RIMS2: variants seen among roughly 807,000 people sequenced by gnomAD.
RIMS2 encodes regulating synaptic membrane exocytosis 2, also known as regulating synaptic membrane exocytosis protein 2.
RIMS2 carries 59 observed loss-of-function variants against 174.4 expected under a neutral mutation model. That is an observed-to-expected ratio of 0.34 (90% CI 0.27 to 0.42). The LOEUF is 0.42. RIMS2 is among the 10% of genes least tolerant of loss of function. RIMS2 has a pLI of 1.00. For missense variants in RIMS2, 1,620 were observed against 1,666.3 expected (o/e 0.97, Z 0.48); for synonymous variants, 606 against 572.5 (o/e 1.06, Z -0.84).
chr8:104,195,724 A>T (rs1272833929), intron 19 of RIMS2, among the ~76,000 whole-genome samples: 1 of 152,108 alleles, frequency 6.6e-6, no homozygotes, highest in Non-Finnish European at 1.5e-5. Context: ...TGTATTGCCC[A>T]GGATGGCTCA....
intron 3 of RIMS2, among the ~76,000 whole-genome samples, chr8:103,882,008 G>C (rs1375292302): frequency 6.6e-6 from 1 of 151,410 alleles, no homozygotes; most frequent in Non-Finnish European, 1.5e-5. Flanking sequence ...TTTGGATTCT[G>C]CCTCTTAATT....
chr8:103,929,871 T>C (rs2079555825), intron 11 of RIMS2, among the ~76,000 whole-genome samples: 1 of 151,930 alleles, frequency 6.6e-6, no homozygotes, highest in African/African-American at 2.4e-5. Flanking sequence ...TTTCTTCAAG[T>C]TGTTAATCTC....
intron 19 of RIMS2, among the ~76,000 whole-genome samples, chr8:104,127,880 C>G (rs2098444772): frequency 6.6e-6 from 1 of 152,156 alleles, no homozygotes; most frequent in Non-Finnish European, 1.5e-5. Flanking sequence ...ATGTTGCCAC[C>G]TGATACTGAC....
chr8:103,957,860 G>A lies in RIMS2; in HGVS notation c.2702-3205G>A, dbSNP rs180827347. Among the ~76,000 whole-genome samples, 32 of 152,150 alleles carry A rather than the reference G, an allele frequency of 2.1e-4. No homozygotes were observed. In the East Asian group the frequency reaches 5.8e-3, roughly 28 times the overall value. On this transcript the variant is annotated intron_variant, in intron 14 of 23. Transcript: ENST00000504942. ...ATCAAAACTACAATGAGATACCATCGCACACCAGACAAAATGGCTATCATT... is the reference window on the plus strand; with the variant it reads ...ATCAAAACTACAATGAGATACCATCACACACCAGACAAAATGGCTATCATT...
intron 1 of RIMS2, among the ~76,000 whole-genome samples, chr8:103,599,283 A>T (rs891051731): frequency 6.6e-6 from 1 of 151,244 alleles, no homozygotes; most frequent in Non-Finnish European, 1.5e-5. Context: ...AAGTGGGGAA[A>T]TTCAGGCTCT....
At chr8:103,996,998 A>G (rs1435871836) in intron 17 of RIMS2, among the ~76,000 whole-genome samples, 1 of 151,852 alleles carries the variant, frequency 6.6e-6, no homozygotes, top group African/African-American at 2.4e-5. Context: ...ACCAAACGTA[A>G]GTGGAGTATG....
chr8:103,991,023 C>A (rs2094658463), intron 17 of RIMS2, among the ~76,000 whole-genome samples: 1 of 151,678 alleles, frequency 6.6e-6, no homozygotes, highest in Non-Finnish European at 1.5e-5. Context: ...ATGATTAATC[C>A]TTGGTATTAG....
intron 7 of RIMS2, 124 bp from the exon 11 acceptor site, chr8:103,916,290 A>T: frequency 1.8e-6 from 1 of 570,434 alleles, no homozygotes; most frequent in Non-Finnish European, 2.9e-6. Context: ...TGTTCTCAGT[A>T]TGTTTCGTAT....
chr8:103,772,556 A>C (rs767003717), intron 3 of RIMS2, among the ~76,000 whole-genome samples: 5 of 152,166 alleles, frequency 3.3e-5, no homozygotes, highest in Non-Finnish European at 5.9e-5. Context: ...TACAGGGATC[A>C]TACAACTCAA....
chr8:104,157,397 A>G (rs2098731296), intron 19 of RIMS2, among the ~76,000 whole-genome samples: 1 of 152,234 alleles, frequency 6.6e-6, no homozygotes, highest in Non-Finnish European at 1.5e-5. Flanking sequence ...GGTAAAATAC[A>G]CGTGACATAA....
intron 3 of RIMS2, among the ~76,000 whole-genome samples, chr8:103,795,665 G>A (rs746637818): frequency 2.0e-5 from 3 of 151,978 alleles, no homozygotes; most frequent in African/African-American, 7.2e-5. Context: ...GCGAACATGC[G>A]TCCTAAAAGC....
intron 15 of RIMS2, among the ~76,000 whole-genome samples, chr8:103,974,388 TG>T (rs559508842): frequency 1.3e-5 from 2 of 152,288 alleles, no homozygotes; most frequent in South Asian, 4.1e-4. Context: ...ACAAAGAGTA[TG>T]ATGAAGATAA....
intron 1 of RIMS2, among the ~76,000 whole-genome samples, chr8:103,562,128 CT>C (rs2091686074): frequency 6.6e-6 from 1 of 152,162 alleles, no homozygotes. Context: ...CATTTCACCC[CT>C]GGTCATTTCC....
intron 2 of RIMS2, among the ~76,000 whole-genome samples, chr8:103,700,882 T>C (rs1461836801): frequency 6.6e-6 from 1 of 152,080 alleles, no homozygotes; most frequent in Non-Finnish European, 1.5e-5. Flanking sequence ...TTCATGTGTA[T>C]TATAAGAAGC....
intron 1 of RIMS2, among the ~76,000 whole-genome samples, chr8:103,537,460 A>G (rs1281826214): frequency 6.6e-6 from 1 of 152,224 alleles, no homozygotes; most frequent in African/African-American, 2.4e-5. Context: ...GATCTAATGT[A>G]TTTGTCAAAG....
intron 19 of RIMS2, among the ~76,000 whole-genome samples, chr8:104,204,532 C>T (rs1000260875): frequency 2.6e-5 from 4 of 151,718 alleles, no homozygotes; most frequent in African/African-American, 9.7e-5. Flanking sequence ...TTAATTGTGA[C>T]TATATTAAAA....
At chr8:103,859,675 C>T (rs59373166) in intron 3 of RIMS2, among the ~76,000 whole-genome samples, 1 of 151,832 alleles carries the variant, frequency 6.6e-6, no homozygotes, top group African/African-American at 2.4e-5. Flanking sequence ...ATAGCAGGAA[C>T]AAGCAAATCT....
chr8:104,011,850 A>G (rs955596706), intron 17 of RIMS2, among the ~76,000 whole-genome samples: 7 of 152,016 alleles, frequency 4.6e-5, no homozygotes, highest in Non-Finnish European at 1.0e-4. Context: ...TTAAGAAATA[A>G]TACATAGATA....
chr8:103,598,679 A>G (rs1057320917), intron 1 of RIMS2, among the ~76,000 whole-genome samples: 1 of 152,146 alleles, frequency 6.6e-6, no homozygotes, highest in Non-Finnish European at 1.5e-5. Context: ...CTTTGACATG[A>G]TGATATAATG....
Sources: gnomAD v4.1 joint callset for allele counts (sites outside exome capture counted in the v4.1 genomes callset) on GRCh38, gnomAD v4.1.1 for gene constraint, MANE v1.5 for transcripts, NCBI Gene and HGNC (gene_info 2026-07-23, HGNC 2026-07-21) for gene names.